EHMT2: variants seen among roughly 807,000 people sequenced by gnomAD.
The protein encoded by EHMT2 is histone-lysine N-methyltransferase EHMT2.
In EHMT2, 59 loss-of-function variants were observed where a neutral mutation model predicts 143.3. That is an observed-to-expected ratio of 0.41 (90% confidence interval 0.33 to 0.51). The LOEUF is 0.51. Among genes scored for constraint, EHMT2 ranks in the 20% least tolerant of loss-of-function variants. The pLI is 0.18. For missense variants in EHMT2, 1,174 were observed against 1,645.9 expected (o/e 0.71, Z 4.96); for synonymous variants, 604 against 651.5 (o/e 0.93, Z 1.11).
intron 1 of EHMT2, chr6:31,897,253 G>A: frequency 9.9e-7 from 1 of 1,012,658 alleles, no homozygotes; most frequent in Non-Finnish European, 1.3e-6. Flanking sequence ...TCCGCGCCCC[G>A]GCCCCGCCCC....
exon 25 of EHMT2, chr6:31,882,780 C>T (rs1581886080): frequency 5.0e-6 from 8 of 1,612,378 alleles, no homozygotes; most frequent in Non-Finnish European, 6.8e-6. Flanking sequence ...GAGCTGTAGC[C>T]GCACCCTGGG....
chr6:31,892,132 C>G (rs1294734004), intron 7 of EHMT2, among the ~76,000 whole-genome samples: 1 of 152,146 alleles, frequency 6.6e-6, no homozygotes, highest in Non-Finnish European at 1.5e-5. Context: ...ATCCCAGCTA[C>G]TCGGGAGGCT....
At position 31,884,444 on chromosome 6, in the gene EHMT2, G is replaced by T. The variant is rs145277546; in HGVS notation, c.2719C>A (p.Leu907Ile). The T allele has an allele frequency of 2.5e-4, 400 of 1,612,806 alleles. No individual in the cohort carries two copies. The highest frequency in any genetic ancestry group is 3.1e-4 in the Non-Finnish European group (360 of 1,180,028). Residue 907 changes from leucine (L) to isoleucine (I), a missense_variant, in exon 21 of 28, where the codon CTC becomes ATC. Transcript: ENST00000375537. The surrounding 1 kb of genome is among the most constrained non-coding windows in gnomAD (Gnocchi z 7.3). ...GCCCGATTTCCCACCCCAAGTCGGAGCTTGCGGTTGAGTTGAAGCGCAAAC... is the reference window on the plus strand; with the variant it reads ...GCCCGATTTCCCACCCCAAGTCGGATCTTGCGGTTGAGTTGAAGCGCAAAC...
rs747765884 is a variant in EHMT2 at position 31,884,932 on chromosome 6, C to T, written c.2428G>A (p.Asp810Asn). The T allele has an allele frequency of 7.5e-6, 12 of 1,606,160 alleles. No individual in the cohort carries two copies. The highest frequency in any genetic ancestry group is 1.7e-5 in the Admixed American group (1 of 59,836). ...CTCACGTTGTCAGTGAGGGTGACGT[C>T]GGCGCCCCGCGTCAGTAGCATGCGG... Residue 810 changes from aspartate to asparagine, a missense_variant, in exon 19 of 28, where the codon GAC becomes AAC. By Grantham distance (23) the Asp-to-Asn change is conservative (BLOSUM62 1). This residue lies in a region of EHMT2 where 608 missense variants were observed against 903.7 expected (regional missense o/e 0.67). Coordinates refer to ENST00000375537, the Ensembl canonical transcript of EHMT2. The surrounding 1 kb of genome is among the most constrained non-coding windows in gnomAD (Gnocchi z 7.3).
At chr6:31,896,129 C>T (rs1766383453) in intron 4 of EHMT2, 134 bp downstream of exon 4, 1 of 1,285,562 alleles carries the variant, frequency 7.8e-7, no homozygotes, top group Non-Finnish European at 1.1e-6. Context: ...TCAAGCACAG[C>T]CTAATATTTG....
chr6:31,885,089 C>T, intron 18 of EHMT2, 73 bp from the exon 19 acceptor site: 1 of 1,514,170 alleles, frequency 6.6e-7, no homozygotes. Context: ...TCAAGATTGG[C>T]TGTGTGTGTG....
chr6:31,882,832 C>T (rs755658581), intron 24 of EHMT2, 47 bp from the exon 25 acceptor site: 6 of 1,611,160 alleles, frequency 3.7e-6, no homozygotes, highest in Non-Finnish European at 3.4e-6. Flanking sequence ...CCTGGAAAAG[C>T]CCCAGGGGCA....
At position 31,880,638 on chromosome 6, in the gene EHMT2, C is replaced by G. The variant is rs963469930; in HGVS notation, c.3452+35G>C. 8 of 1,607,832 alleles carry G rather than the reference C, an allele frequency of 5.0e-6. No homozygotes were observed. The African/African-American group carries it at 8.0e-5, about 16-fold the overall frequency. On this transcript the variant is annotated intron_variant, in intron 27 of 27. Transcript: ENST00000375537. This position sits in a 1 kb window ranked among gnomAD's most constrained non-coding sequence, Gnocchi z 6.6. ...CCCAGGTTTGCTGCATCTCCCACCCCCTGGCAGAGCCCCTAGAGACCCCTA... is the reference window on the plus strand; with the variant it reads ...CCCAGGTTTGCTGCATCTCCCACCCGCTGGCAGAGCCCCTAGAGACCCCTA...
Position 31,888,573 on chromosome 6 carries a change from C to A in EHMT2, c.1365+26G>T. On this transcript the variant is annotated intron_variant, in intron 11 of 27. Transcript: ENST00000375537. This position sits in a 1 kb window ranked among gnomAD's most constrained non-coding sequence, Gnocchi z 7.4. ...GGGCCGGGGACTGGACGCCCTGGCA[C>A]CTCTCCCACCAGCCCACGGCCCCAC... The A allele has an allele frequency of 6.2e-7, 1 of 1,610,446 alleles. No homozygotes were observed. The highest frequency in any genetic ancestry group is 8.5e-7 in the Non-Finnish European group (1 of 1,179,044).
At chr6:31,896,555 G>A (rs766805149) in intron 3 of EHMT2, 39 bp from the exon 4 acceptor site, 1 of 1,604,794 alleles carries the variant, frequency 6.2e-7, no homozygotes, top group Non-Finnish European at 8.5e-7. Context: ...TAAGAAAGAA[G>A]GCAAGAGTCA....
Position 31,880,367 on chromosome 6 carries a change from A to G in EHMT2, c.3453-103T>C, listed in dbSNP as rs1322347415. 8 of 1,316,872 alleles carry G rather than the reference A, an allele frequency of 6.1e-6. No homozygotes were observed. Among genetic ancestry groups the G allele is most frequent in the Non-Finnish European group, 8.4e-6 (8 of 955,266 alleles). The allele number at this position is 1,316,872 out of a possible 1,614,324, so 81.6% of individuals were successfully genotyped here. On this transcript the variant is annotated intron_variant, in intron 27 of 27. Coordinates refer to ENST00000375537, the Ensembl canonical transcript of EHMT2. The surrounding 1 kb of genome is among the most constrained non-coding windows in gnomAD (Gnocchi z 6.6). ...CTCCCTGAGAGGGACCCGACACCCAACCTATCTTCTCCAGATGGGATCTGA... is the reference window on the plus strand; with the variant it reads ...CTCCCTGAGAGGGACCCGACACCCAGCCTATCTTCTCCAGATGGGATCTGA...
In EHMT2 at chr6:31,880,975, C is replaced by T; in HGVS notation, c.3276+39G>A. The T allele has an allele frequency of 3.7e-6, 6 of 1,610,284 alleles. No homozygotes were observed. The highest frequency in any genetic ancestry group is 2.2e-5 in the East Asian group (1 of 44,872). ...CTTCCCAGAGGCTCCTGAAAGCCAG[C>T]CCTGGGGAGCAGCAGGGTAAGGAGG... On this transcript the variant is annotated intron_variant, in intron 26 of 27. Transcript: ENST00000375537. The surrounding 1 kb of genome is among the most constrained non-coding windows in gnomAD (Gnocchi z 6.6).
chr6:31,896,572 TC>T lies in EHMT2; in HGVS notation c.328+33del, dbSNP rs747330801. The T allele has an allele frequency of 2.9e-5, 47 of 1,593,934 alleles. No homozygotes were observed. The Middle Eastern group carries it at 5.0e-4, about 17-fold the overall frequency. On this transcript the variant is annotated intron_variant, in intron 3 of 27. Coordinates refer to ENST00000375537, the Ensembl canonical transcript of EHMT2. ...AGAAAGAAGGCAAGAGTCAGAAATT[TC>T]CCACCAACCCCCCAGGCTACCCAGC...
At chr6:31,896,345 G>A (rs757920694) in exon 4 of EHMT2, 1 of 1,612,962 alleles carries the variant, frequency 6.2e-7, no homozygotes, top group South Asian at 1.1e-5. Flanking sequence ...GGCTGGAGGG[G>A]GTTCAGACCC....
intron 15 of EHMT2, among the ~76,000 whole-genome samples, 186 bp downstream of exon 15, chr6:31,887,391 A>C (rs1484014582): frequency 6.6e-6 from 1 of 152,204 alleles, no homozygotes; most frequent in African/African-American, 2.4e-5. Flanking sequence ...CACTCAGAAC[A>C]GGACCCAGCA....
At chr6:31,886,857 G>C in exon 17 of EHMT2, 1 of 1,614,214 alleles carries the variant, frequency 6.2e-7, no homozygotes, top group Non-Finnish European at 8.5e-7. Context: ...CATCAGTGGC[G>C]TCCGCTGCTG....
Position 31,883,996 on chromosome 6 carries a change from G to T in EHMT2, c.2772-46C>A, listed in dbSNP as rs111513609. 1 of 1,602,594 alleles carries T rather than the reference G, an allele frequency of 6.2e-7. No individual in the cohort carries two copies. The highest frequency in any genetic ancestry group is 8.5e-7 in the Non-Finnish European group (1 of 1,173,332). ...GGGCTGGGAAGCTGGAAAAGGGGGTGAGGAGCTACTCCAGGTATAAGGAAG... is the reference window on the plus strand; with the variant it reads ...GGGCTGGGAAGCTGGAAAAGGGGGTTAGGAGCTACTCCAGGTATAAGGAAG... On this transcript the variant is annotated intron_variant, in intron 21 of 27. Transcript: ENST00000375537. The surrounding 1 kb of genome is among the most constrained non-coding windows in gnomAD (Gnocchi z 5.6).
Position 31,884,528 on chromosome 6 carries a change from G to C in EHMT2, c.2635C>G (p.Leu879Val), listed in dbSNP as rs1764557052. Residue 879 changes from leucine (L) to valine (V), a missense_variant, in exon 21 of 28, where the codon CTG (leucine) becomes GTG (valine). Leu to Val is a conservative substitution (Grantham distance 32, BLOSUM62 1). Coordinates refer to ENST00000375537, the Ensembl canonical transcript of EHMT2. This position sits in a 1 kb window ranked among gnomAD's most constrained non-coding sequence, Gnocchi z 7.3. The stretch of plus-strand genomic sequence containing the variant: ...GCTGTGTCCCCCTCTTTGTTCCGCA[G>C]CTCAGGGTTGGCCCCACGTGACAGG... The C allele has an allele frequency of 2.5e-6, 4 of 1,612,984 alleles. No homozygotes were observed. Among genetic ancestry groups the C allele is most frequent in the Non-Finnish European group, 3.4e-6 (4 of 1,180,022 alleles).
In EHMT2 at chr6:31,888,880, C is replaced by G. The variant is rs1581924563; in HGVS notation, c.1216+89G>C. On this transcript the variant is annotated intron_variant, in intron 10 of 27. Transcript: ENST00000375537. The surrounding 1 kb of genome is among the most constrained non-coding windows in gnomAD (Gnocchi z 7.4). ...CCCCTAAAGCCTGGCCATGGACACC[C>G]CGGCTCTGGCGTGGTTCCCCTCCTT... 1 of 1,496,752 alleles carries G rather than the reference C, an allele frequency of 6.7e-7. No homozygotes were observed. The highest frequency in any genetic ancestry group is 1.4e-5 in the African/African-American group (1 of 72,382). The allele number at this position is 1,496,752 out of a possible 1,614,324, so 92.7% of individuals were successfully genotyped here. A position where few individuals can be genotyped will look rare whatever the true frequency, so the allele number is the denominator to read the frequency against.
Sources: allele counts gnomAD v4.1 joint callset (sites outside exome capture counted in the v4.1 genomes callset), GRCh38; gene constraint gnomAD v4.1.1; regional missense constraint gnomAD v4.1.1; non-coding constraint Gnocchi (gnomAD v3.1); transcripts MANE v1.5; gene names NCBI Gene and HGNC (gene_info 2026-07-23, HGNC 2026-07-21).